GRM7: variants seen among roughly 807,000 people sequenced by gnomAD.
The protein encoded by GRM7 is glutamate metabotropic receptor 7, also known as metabotropic glutamate receptor 7.
A neutral mutation model predicts 84.5 loss-of-function variants in GRM7; 35 were observed. That is an observed-to-expected ratio of 0.41 (90% CI 0.32 to 0.55). The LOEUF (loss-of-function observed/expected upper bound fraction) is 0.55, where lower values mean the gene tolerates loss of function less well. Among genes scored for constraint, GRM7 ranks in the 20% least tolerant of loss-of-function variants. The pLI, the probability that GRM7 is intolerant of heterozygous loss-of-function variation, is 0.19. For synonymous variants in GRM7, 487 were observed against 455.1 expected, an observed-to-expected ratio of 1.07 and a Z score of -0.89; for missense variants, 1,003 against 1,194.6, an observed-to-expected ratio of 0.84 and a Z score of 2.36.
chr3:7,313,393 C>A (rs1016726901), intron 4 of GRM7, among the ~76,000 whole-genome samples: 4 of 152,110 alleles, frequency 2.6e-5, no homozygotes, highest in African/African-American at 9.7e-5. Context: ...TCAAACCAGT[C>A]CTGGAATTAT....
At chr3:7,170,035 C>T (rs1017758131) in intron 2 of GRM7, among the ~76,000 whole-genome samples, 1 of 152,188 alleles carries the variant, frequency 6.6e-6, no homozygotes, top group African/African-American at 2.4e-5. Flanking sequence ...TAGTTTGAGG[C>T]AGAGCCTAAT....
chr3:7,466,705 C>G (rs959597788), intron 7 of GRM7, among the ~76,000 whole-genome samples: 1 of 152,194 alleles, frequency 6.6e-6, no homozygotes, highest in South Asian at 2.1e-4. Flanking sequence ...ACTGCATATT[C>G]TCTTAAATAG....
At position 6,950,639 on chromosome 3, in the gene GRM7, G is replaced by A. The variant is rs919790397; in HGVS notation, c.519+88732G>A. The stretch of plus-strand genomic sequence containing the variant: ...TTATTGCTGTCTTTTGTTTGTCTGT[G>A]CCCTGCCCCCAGAGGTGGAGCCTAC... On this transcript the variant is annotated intron_variant, in intron 1 of 9. Transcript: ENST00000357716. 2.0e-5 allele frequency among the ~76,000 whole-genome samples: 3 copies of A among 152,180 alleles called. 1 individual carries two copies. The highest frequency in any genetic ancestry group is 7.2e-5 in the African/African-American group (3 of 41,454).
At chr3:6,927,469 GAAAGAAAGAAAGAA>G (rs1559333317) in intron 1 of GRM7, among the ~76,000 whole-genome samples, 411 of 70,646 alleles carry the variant, frequency 5.8e-3, no homozygotes, top group South Asian at 0.018. Context: ...GAGAGAGAAA[GAAAGAAAGAAAGAA>G]AGAAAGAAAG....
intron 1 of GRM7, among the ~76,000 whole-genome samples, chr3:6,963,773 T>G (rs1575073694): frequency 6.6e-6 from 1 of 152,206 alleles, no homozygotes; most frequent in Non-Finnish European, 1.5e-5. Flanking sequence ...GTGACTTACA[T>G]GAATGGCATC....
intron 1 of GRM7, among the ~76,000 whole-genome samples, chr3:7,013,285 T>C (rs1695448547): frequency 6.6e-6 from 1 of 152,182 alleles, no homozygotes; most frequent in African/African-American, 2.4e-5. Context: ...ACCTTAGCCA[T>C]GAGGTAAGGG....
chr3:7,065,550 T>C (rs977565544), intron 1 of GRM7, among the ~76,000 whole-genome samples: 12 of 151,980 alleles, frequency 7.9e-5, no homozygotes, highest in African/African-American at 2.9e-4. Context: ...TTGGTCTATG[T>C]GCCTATTTTA....
At chr3:7,714,527 C>A (rs1284998644) in intron 9 of GRM7, among the ~76,000 whole-genome samples, 1 of 152,198 alleles carries the variant, frequency 6.6e-6, no homozygotes, top group South Asian at 2.1e-4. Flanking sequence ...GTTAGAAATG[C>A]ATTCACTTAG....
intron 7 of GRM7, among the ~76,000 whole-genome samples, chr3:7,504,899 T>TG: frequency 2.0e-5 from 3 of 152,162 alleles, no homozygotes; most frequent in Non-Finnish European, 1.5e-5. Flanking sequence ...CATTCCAGTA[T>TG]CAACTCAAAG....
chr3:7,734,899 A>G (rs1479847102), intron 9 of GRM7, among the ~76,000 whole-genome samples: 1 of 152,222 alleles, frequency 6.6e-6, no homozygotes, highest in Non-Finnish European at 1.5e-5. Flanking sequence ...TGTAAGATAC[A>G]GGAAGTTTAG....
chr3:6,875,332 A>G lies in GRM7; in HGVS notation c.519+13425A>G, dbSNP rs527326827. Among the ~76,000 whole-genome samples the G allele has an allele frequency of 2.5e-3, 387 of 152,120 alleles. 1 individual carries two copies. The highest frequency in any genetic ancestry group is 7.9e-3 in the African/African-American group (328 of 41,490). ...ACATCCAACTCTCACCTTGAATTGT[A>G]ATAATCCCCATGTGCTGAGGGCGGG... On this transcript the variant is annotated intron_variant, in intron 1 of 9. Transcript: ENST00000357716.
chr3:7,682,899 T>C lies in GRM7; in HGVS notation c.2698+2604T>C, dbSNP rs1165782773. ...CCACTTACTCCTCACAGTAGATCTA[T>C]AGAATAGATATTGTTATTCTTATTT... On this transcript the variant is annotated intron_variant, in intron 9 of 9. Coordinates refer to ENST00000357716, the MANE Select transcript of GRM7 (RefSeq NM_000844.4). Among the ~76,000 whole-genome samples the C allele has an allele frequency of 2.0e-5, 3 of 152,212 alleles. No individual in the cohort carries two copies. In the East Asian group the frequency reaches 5.8e-4, roughly 29 times the overall value.
chr3:6,891,938 AT>A (rs1695968860), intron 1 of GRM7, among the ~76,000 whole-genome samples: 1 of 151,996 alleles, frequency 6.6e-6, no homozygotes, highest in Non-Finnish European at 1.5e-5. Flanking sequence ...ATTTCTTTTT[AT>A]TCTTTTTTCT....
At chr3:7,467,155 T>C (rs535219080) in intron 7 of GRM7, among the ~76,000 whole-genome samples, 1 of 152,282 alleles carries the variant, frequency 6.6e-6, no homozygotes, top group South Asian at 2.1e-4. Context: ...TGGCGCGATC[T>C]TGGCTCACTG....
At position 7,686,337 on chromosome 3, in the gene GRM7, T is replaced by G. The variant is rs771016187; in HGVS notation, c.2698+6042T>G. ...TGCACATTTATTTTATACATACCTA[T>G]ATATTTACTTTTCCTGTAGACTGTA... On this transcript the variant is annotated intron_variant, in intron 9 of 9. Transcript: ENST00000357716. The G allele has an allele frequency of 1.2e-5, 11 of 947,748 alleles. No individual in the cohort carries two copies. In the South Asian group the frequency reaches 1.4e-4, roughly 12 times the overall value. The allele number at this position is 947,748 out of a possible 1,614,324, so 58.7% of individuals were successfully genotyped here. A position where few individuals can be genotyped will look rare whatever the true frequency, so the allele number is the denominator to read the frequency against.
chr3:7,218,417 A>T (rs1696685876), intron 2 of GRM7, among the ~76,000 whole-genome samples: 1 of 152,020 alleles, frequency 6.6e-6, no homozygotes, highest in Non-Finnish European at 1.5e-5. Context: ...TGTGAATTGC[A>T]TGTGCCCATG....
At chr3:7,364,365 G>A (rs892635714) in intron 4 of GRM7, among the ~76,000 whole-genome samples, 1 of 151,740 alleles carries the variant, frequency 6.6e-6, no homozygotes, top group Non-Finnish European at 1.5e-5. Context: ...ATGTTTGTTT[G>A]TTTTTTAAGT....
At chr3:7,713,824 T>A (rs1429733810) in intron 9 of GRM7, among the ~76,000 whole-genome samples, 10 of 65,574 alleles carry the variant, frequency 1.5e-4, no homozygotes, top group Middle Eastern at 0.013. Flanking sequence ...TTTTTTTTTT[T>A]AAAGCAATGG....
Position 7,680,049 on chromosome 3 carries a change from C to T in GRM7, c.2452C>T (p.Leu818Phe). ...GTGCCTTGTGTGTTGTGTCTCCTAG[C>T]TCTACATACAAACTACCACGCTTAC... ...FFGTAQSAEK[L>F]YIQTTTLTIS... is the part of the protein sequence containing the mutation. Residue 818 changes from leucine to phenylalanine, a missense_variant and splice_region_variant, in exon 9 of 10, where the codon CTC becomes TTC. Leu to Phe is a conservative substitution (Grantham distance 22). Around this residue, in one of 2 missense-constraint regions of GRM7, gnomAD observed 910 missense variants for 1,126.0 expected, o/e 0.81. Transcript: ENST00000357716. 1 of 1,613,914 alleles carries T rather than the reference C, an allele frequency of 6.2e-7. No individual in the cohort carries two copies. The highest frequency in any genetic ancestry group is 8.5e-7 in the Non-Finnish European group (1 of 1,179,856).
Sources: allele counts gnomAD v4.1 joint callset (sites outside exome capture counted in the v4.1 genomes callset), GRCh38; gene constraint gnomAD v4.1.1; regional missense constraint gnomAD v4.1.1; transcripts MANE v1.5; gene names NCBI Gene and HGNC (gene_info 2026-07-23, HGNC 2026-07-21).